SLC14A2: variants seen among roughly 807,000 people sequenced by gnomAD.
The protein encoded by SLC14A2 is solute carrier family 14 member 2.
Under a neutral mutation model 104.6 loss-of-function variants are expected in SLC14A2, and 91 were observed. The observed-to-expected ratio is 0.87, with a 90% CI of 0.73 to 1.04. The LOEUF (loss-of-function observed/expected upper bound fraction) is 1.04. SLC14A2 is among the 50% of genes least tolerant of loss of function. SLC14A2 has a pLI of 0.00. For missense variants in SLC14A2, 1,189 were observed against 1,156.0 expected (o/e 1.03, Z -0.41); for synonymous variants, 476 against 466.4 (o/e 1.02, Z -0.27).
intron 1 of SLC14A2, among the ~76,000 whole-genome samples, chr18:45,337,041 A>C (rs968181724): frequency 2.6e-4 from 39 of 151,664 alleles, no homozygotes; most frequent in African/African-American, 9.2e-4. Flanking sequence ...GAAAAAAAAA[A>C]CCCCTTAGAT....
At chr18:45,414,744 TAAAAAAAA>T (rs531366886) in intron 1 of SLC14A2, among the ~76,000 whole-genome samples, 19 of 52,348 alleles carry the variant, frequency 3.6e-4, no homozygotes, top group African/African-American at 2.0e-3. Flanking sequence ...GCACCGAGCG[TAAAAAAAA>T]AAAAAATATA....
At chr18:45,556,263 G>C (rs532127414) in intron 2 of SLC14A2, among the ~76,000 whole-genome samples, 1 of 152,168 alleles carries the variant, frequency 6.6e-6, no homozygotes, top group South Asian at 2.1e-4. Flanking sequence ...ATAAATTTTG[G>C]GGAAACACAA....
chr18:45,427,321 G>C (rs957779031), intron 1 of SLC14A2, among the ~76,000 whole-genome samples: 2 of 151,750 alleles, frequency 1.3e-5, no homozygotes, highest in Non-Finnish European at 2.9e-5. Flanking sequence ...CCCTGGCTCT[G>C]TGCCCAAGGC....
intron 1 of SLC14A2, among the ~76,000 whole-genome samples, chr18:45,467,159 G>A (rs2144656868): frequency 6.6e-6 from 1 of 152,118 alleles, no homozygotes; most frequent in South Asian, 2.1e-4. Flanking sequence ...CAACAGAAAG[G>A]GATTATATTA....
chr18:45,622,680 A>C (rs1472003389), intron 1 of SLC14A2, among the ~76,000 whole-genome samples: 1 of 152,162 alleles, frequency 6.6e-6, no homozygotes, highest in Non-Finnish European at 1.5e-5. Flanking sequence ...GTGAAGGAGC[A>C]ACCAGAGAGG....
At chr18:45,473,167 G>T (rs1380509264) in intron 1 of SLC14A2, among the ~76,000 whole-genome samples, 1 of 152,202 alleles carries the variant, frequency 6.6e-6, no homozygotes, top group African/African-American at 2.4e-5. Flanking sequence ...TGTCAGGTTT[G>T]TCAAAGATCA....
At chr18:45,245,049 A>T (rs1008298334) in intron 1 of SLC14A2, among the ~76,000 whole-genome samples, 2 of 152,226 alleles carry the variant, frequency 1.3e-5, no homozygotes, top group Non-Finnish European at 2.9e-5. Flanking sequence ...ATACTCAGAC[A>T]TACTCATCAC....
the SLC14A2 span, among the ~76,000 whole-genome samples, chr18:45,205,157 A>G: frequency 6.6e-6 from 1 of 152,192 alleles, no homozygotes. Flanking sequence ...TCCTAATGGC[A>G]TGGGGGCCCA....
upstream of SLC14A2, chr18:45,615,456 G>C (rs746761417): frequency 4.6e-5 from 7 of 152,146 alleles, no homozygotes; most frequent in Non-Finnish European, 8.8e-5. Context: ...TTTTATAAGT[G>C]TTTGGCAAGT....
intron 1 of SLC14A2, among the ~76,000 whole-genome samples, chr18:45,442,396 C>T (rs1002811902): frequency 2.0e-5 from 3 of 152,136 alleles, no homozygotes; most frequent in Admixed American, 6.5e-5. Context: ...AGATTCTGTT[C>T]CATGTCTCTC....
At chr18:45,481,597 G>A (rs1397616617) in intron 1 of SLC14A2, among the ~76,000 whole-genome samples, 2 of 152,126 alleles carry the variant, frequency 1.3e-5, no homozygotes, top group African/African-American at 2.4e-5. Context: ...TATACAAAAT[G>A]CTTCCAAAAA....
At chr18:45,430,381 A>T (rs1444431023) in intron 1 of SLC14A2, among the ~76,000 whole-genome samples, 1 of 152,134 alleles carries the variant, frequency 6.6e-6, no homozygotes, top group Non-Finnish European at 1.5e-5. Context: ...TACATATCCC[A>T]TATGCTCATG....
chr18:45,651,450 T>A (rs2045735324), intron 10 of SLC14A2, among the ~76,000 whole-genome samples: 1 of 152,188 alleles, frequency 6.6e-6, no homozygotes, highest in Non-Finnish European at 1.5e-5. Flanking sequence ...GTCAACTTGT[T>A]CAGTGTTTCT....
At chr18:45,535,088 C>G (rs1010586770) in intron 2 of SLC14A2, among the ~76,000 whole-genome samples, 4 of 151,860 alleles carry the variant, frequency 2.6e-5, no homozygotes, top group Non-Finnish European at 4.4e-5. Context: ...AAGAGGCAAC[C>G]AAAAAGCTCT....
chr18:45,643,251 G>A, intron 9 of SLC14A2, 70 bp downstream of exon 9: 2 of 1,392,322 alleles, frequency 1.4e-6, no homozygotes, highest in Non-Finnish European at 2.0e-6. Flanking sequence ...ATGGGGTTGT[G>A]GGGTCTGGGA....
chr18:45,414,757 A>AAAAATATATAT (rs1360051908), intron 1 of SLC14A2, among the ~76,000 whole-genome samples: 44 of 76,094 alleles, frequency 5.8e-4, no homozygotes, highest in Admixed American at 1.0e-3. Context: ...AAAAAAAAAA[A>AAAAATATATAT]ATATATATAT....
chr18:45,270,015 C>T (rs1009780851), intron 1 of SLC14A2, among the ~76,000 whole-genome samples: 6 of 152,040 alleles, frequency 3.9e-5, no homozygotes, highest in Admixed American at 3.9e-4. Context: ...AACATATTTA[C>T]ATTCCCCAGA....
intron 1 of SLC14A2, among the ~76,000 whole-genome samples, chr18:45,373,939 C>A (rs1317111523): frequency 6.6e-6 from 1 of 152,180 alleles, no homozygotes; most frequent in Non-Finnish European, 1.5e-5. Context: ...TTGCATGGCT[C>A]AACCCAAGAA....
chr18:45,573,139 T>G (rs762853253), intron 2 of SLC14A2, among the ~76,000 whole-genome samples: 1 of 152,198 alleles, frequency 6.6e-6, no homozygotes, highest in Non-Finnish European at 1.5e-5. Flanking sequence ...TTCTTTCAAC[T>G]AATAGATTGA....
Sources: gnomAD v4.1 joint callset for allele counts (sites outside exome capture counted in the v4.1 genomes callset) on GRCh38, gnomAD v4.1.1 for gene constraint, MANE v1.5 for transcripts, NCBI Gene and HGNC (gene_info 2026-07-23, HGNC 2026-07-21) for gene names.